DENND1B: variants seen among roughly 807,000 people sequenced by gnomAD.
DENND1B encodes DENN domain-containing protein 1B.
Under a neutral mutation model 90.1 loss-of-function variants are expected in DENND1B, and 59 were observed. The ratio of observed to expected loss-of-function variants is 0.65; its 90% CI spans 0.53 to 0.81. DENND1B has a LOEUF of 0.81. DENND1B is among the 40% of genes least tolerant of loss of function. The pLI is 0.00. For missense variants in DENND1B, 862 were observed against 912.6 expected (o/e 0.94, Z 0.71); for synonymous variants, 337 against 324.6 (o/e 1.04, Z -0.41).
intron 10 of DENND1B, among the ~76,000 whole-genome samples, chr1:197,634,996 AAAGGAAGGAAGGAAGC>A (rs1324779111): frequency 6.7e-6 from 1 of 149,930 alleles, no homozygotes; most frequent in African/African-American, 2.4e-5. Flanking sequence ...CTCTGCGTGA[AAAGGAAGGAAGGAAGC>A]AAGGAAGGAA....
intron 18 of DENND1B, 98 bp from the exon 19 acceptor site, chr1:197,541,113 T>A: frequency 9.5e-7 from 1 of 1,057,276 alleles, no homozygotes; most frequent in South Asian, 1.5e-5. Context: ...TACTAAATAT[T>A]CATATGATTT....
chr1:197,585,192 C>T (rs1300383591), intron 14 of DENND1B, among the ~76,000 whole-genome samples: 3 of 151,796 alleles, frequency 2.0e-5, no homozygotes, highest in Non-Finnish European at 2.9e-5. Flanking sequence ...ACTGGGAGCC[C>T]GATAAATGTT....
chr1:197,595,469 T>A, intron 13 of DENND1B, 136 bp from the exon 14 acceptor site: 1 of 1,101,440 alleles, frequency 9.1e-7, no homozygotes, highest in East Asian at 2.5e-5. Context: ...CTTATCTTTT[T>A]AACTGCAGAG....
intron 2 of DENND1B, among the ~76,000 whole-genome samples, chr1:197,745,878 C>CA (rs987717235): frequency 1.3e-4 from 20 of 151,200 alleles, no homozygotes; most frequent in African/African-American, 4.6e-4. Flanking sequence ...TCTGAAAGTA[C>CA]AAAAAAAATT....
At chr1:197,514,067 C>A (rs1236680909) in intron 20 of DENND1B, among the ~76,000 whole-genome samples, 1 of 151,682 alleles carries the variant, frequency 6.6e-6, no homozygotes, top group Non-Finnish European at 1.5e-5. Context: ...TATGATTCGT[C>A]AAGCGATCCA....
intron 2 of DENND1B, among the ~76,000 whole-genome samples, chr1:197,721,589 C>T (rs1661187296): frequency 6.6e-6 from 1 of 151,996 alleles, no homozygotes; most frequent in Non-Finnish European, 1.5e-5. Context: ...CAGGGGAGAA[C>T]ATTCTAGAGT....
chr1:197,596,852 A>G (rs1220081415), intron 13 of DENND1B, among the ~76,000 whole-genome samples: 5 of 151,970 alleles, frequency 3.3e-5, no homozygotes, highest in Non-Finnish European at 5.9e-5. Context: ...GACCAGCTCT[A>G]CAGGTGATAA....
At chr1:197,638,802 G>T (rs1398594232) in intron 10 of DENND1B, among the ~76,000 whole-genome samples, 1 of 151,856 alleles carries the variant, frequency 6.6e-6, no homozygotes, top group Non-Finnish European at 1.5e-5. Flanking sequence ...TCTTGTTCAG[G>T]ATTACCAGAA....
At chr1:197,549,249 G>A (rs990159792) in intron 16 of DENND1B, among the ~76,000 whole-genome samples, 10 of 151,994 alleles carry the variant, frequency 6.6e-5, no homozygotes, top group African/African-American at 2.4e-4. Flanking sequence ...TTAAATTCCA[G>A]TAATTTGTAC....
At chr1:197,732,469 T>C (rs1218928744) in intron 2 of DENND1B, among the ~76,000 whole-genome samples, 1 of 152,158 alleles carries the variant, frequency 6.6e-6, no homozygotes, top group Non-Finnish European at 1.5e-5. Context: ...AAAGTGAAAC[T>C]GGGTAACTAC....
intron 3 of DENND1B, among the ~76,000 whole-genome samples, chr1:197,676,082 C>CAAAAAAAAAAAAAAAA (rs3046951): frequency 5.2e-5 from 6 of 114,866 alleles, no homozygotes; most frequent in African/African-American, 1.1e-4. Flanking sequence ...ACAGTATAGA[C>CAAAAAAAAAAAAAAAA]AAAAAAAAAA....
chr1:197,544,492 G>GT (rs550338195), intron 18 of DENND1B, among the ~76,000 whole-genome samples: 19 of 152,058 alleles, frequency 1.2e-4, no homozygotes, highest in South Asian at 2.1e-4. Flanking sequence ...ATATTAAAGA[G>GT]TTTTTTTACT....
chr1:197,776,833 A>G (rs562855156), upstream of DENND1B, among the ~76,000 whole-genome samples: 324 of 149,908 alleles, frequency 2.2e-3, 1 homozygote, highest in African/African-American at 7.6e-3. Context: ...CAAAAAAAAA[A>G]TGTGTTTATC....
intron 7 of DENND1B, 35 bp downstream of exon 7, chr1:197,652,200 T>C: frequency 6.4e-7 from 1 of 1,573,386 alleles, no homozygotes; most frequent in Non-Finnish European, 8.7e-7. Context: ...GACATAGCTA[T>C]GACTCCCAAA....
chr1:197,624,209 T>C (rs1389344634), intron 10 of DENND1B, among the ~76,000 whole-genome samples: 1 of 151,642 alleles, frequency 6.6e-6, no homozygotes, highest in Non-Finnish European at 1.5e-5. Context: ...GTAGCATTTA[T>C]AAAAGAACAT....
intron 20 of DENND1B, 45 bp from the exon 21 acceptor site, chr1:197,512,998 TA>T: frequency 1.3e-6 from 2 of 1,514,004 alleles, no homozygotes; most frequent in Middle Eastern, 3.5e-4. Flanking sequence ...CAGTTTAAAA[TA>T]AGTCTCTTTA....
chr1:197,607,011 T>C (rs2125837080), intron 13 of DENND1B, 62 bp downstream of exon 13: 1 of 1,232,136 alleles, frequency 8.1e-7, no homozygotes, highest in East Asian at 2.4e-5. Context: ...AAAAATAACT[T>C]AGTAATTCAG....
Position 197,645,696 on chromosome 1 carries a change from G to T in DENND1B, c.555C>A (p.Pro185=). 1 of 1,550,946 alleles carries T rather than the reference G, an allele frequency of 6.4e-7. No individual in the cohort carries two copies. The highest frequency in any genetic ancestry group is 8.7e-7 in the Non-Finnish European group (1 of 1,147,160). The change falls in exon 9 of 23, where the codon CCC becomes CCA. Residue 185 remains proline, a synonymous_variant. Coordinates refer to ENST00000620048, the MANE Select transcript of DENND1B (RefSeq NM_001195215.2). ...APDVTGLPTI[P]ESRNLTEYFV... ...TAGAAAATAGGAAACTTACACTCTC[G>T]GGTATTGTTGGGAGTCCAGTTACAT...
intron 2 of DENND1B, chr1:197,746,602 G>T (rs1452305457): frequency 3.6e-6 from 2 of 562,544 alleles, no homozygotes; most frequent in Non-Finnish European, 3.2e-6. Flanking sequence ...GAGAAAGATT[G>T]AAAAGAGCTG....
Sources: gnomAD v4.1 joint callset for allele counts (sites outside exome capture counted in the v4.1 genomes callset) on GRCh38, gnomAD v4.1.1 for gene constraint, MANE v1.5 for transcripts, NCBI Gene and HGNC (gene_info 2026-07-23, HGNC 2026-07-21) for gene names.